The following TASP1 variants were observed in gnomAD, a reference collection of about 807,000 sequenced individuals.
The protein encoded by TASP1 is taspase 1.
TASP1 carries 16 observed loss-of-function variants against 56.6 expected under a neutral mutation model. That is an observed-to-expected ratio of 0.28 (90% CI 0.19 to 0.43). The LOEUF (loss-of-function observed/expected upper bound fraction) is 0.43, where lower values mean the gene tolerates loss of function less well. TASP1 is among the 20% of genes least tolerant of loss of function. The pLI is 1.00. For synonymous variants in TASP1, 179 were observed against 184.2 expected, an observed-to-expected ratio of 0.97 and a Z score of 0.23; for missense variants, 393 against 511.6, an observed-to-expected ratio of 0.77 and a Z score of 2.24.
the TASP1 span, among the ~76,000 whole-genome samples, chr20:13,381,034 A>C: frequency 6.6e-6 from 1 of 152,100 alleles, no homozygotes; most frequent in African/African-American, 2.4e-5. Flanking sequence ...GGATCTGCCG[A>C]GCTAGACCAC....
the TASP1 span, among the ~76,000 whole-genome samples, chr20:13,123,845 G>C: frequency 4.6e-5 from 7 of 151,688 alleles, no homozygotes; most frequent in Admixed American, 1.3e-4. Context: ...CCAATTCCCA[G>C]GACCCACCCA....
the TASP1 span, among the ~76,000 whole-genome samples, chr20:13,346,572 T>G: frequency 6.6e-6 from 1 of 152,190 alleles, no homozygotes; most frequent in South Asian, 2.1e-4. Context: ...AGCACTGCCC[T>G]ATAGGGTGTG....
At chr20:13,113,047 G>T in the TASP1 span, among the ~76,000 whole-genome samples, 3 of 152,228 alleles carry the variant, frequency 2.0e-5, no homozygotes, top group Non-Finnish European at 4.4e-5. Context: ...GCCAGGTGTG[G>T]TGGTGCACTC....
intron 8 of TASP1, among the ~76,000 whole-genome samples, chr20:13,548,947 G>T (rs1395565794): frequency 6.6e-6 from 1 of 152,090 alleles, no homozygotes. Context: ...GATCAGCCAG[G>T]TTTAGGATCC....
In TASP1 at chr20:13,580,963, G is replaced by C. The variant is rs746349879; in HGVS notation, c.422C>G (p.Ser141Trp). 2 of 1,607,834 alleles carry C rather than the reference G, an allele frequency of 1.2e-6. No individual in the cohort carries two copies. Among genetic ancestry groups the C allele is most frequent in the Non-Finnish European group, 1.7e-6 (2 of 1,177,636 alleles). Residue 141 changes from serine to tryptophan, a missense_variant, in exon 6 of 14, where the codon TCG (serine) becomes TGG (tryptophan). This residue lies in a region of TASP1 where 293 missense variants were observed against 354.2 expected (regional missense o/e 0.83). Coordinates refer to ENST00000337743, the MANE Select transcript of TASP1 (RefSeq NM_017714.3). ...TTCACATAAGAGTCTGTTGGCAACC[G>C]AGACTGGGTTCTTGATTCCTATAAA... ...GALSGIKNPV[S>W]VANRLLCEGQ...
intron 11 of TASP1, among the ~76,000 whole-genome samples, chr20:13,459,919 T>G (rs2043990029): frequency 6.6e-6 from 1 of 152,142 alleles, no homozygotes; most frequent in African/African-American, 2.4e-5. Flanking sequence ...TGTCCTGTAT[T>G]ATTTGCTCTA....
At chr20:13,381,084 C>T in the TASP1 span, among the ~76,000 whole-genome samples, 72 of 152,212 alleles carry the variant, frequency 4.7e-4, no homozygotes, top group Non-Finnish European at 5.3e-4. Flanking sequence ...GGGGAGTGAA[C>T]GGTTCTGTCT....
the TASP1 span, among the ~76,000 whole-genome samples, chr20:13,109,456 C>T: frequency 6.6e-6 from 1 of 152,154 alleles, no homozygotes; most frequent in East Asian, 1.9e-4. Flanking sequence ...AATGGAAATG[C>T]TACTAGTACT....
At chr20:13,589,828 T>C (rs1291134509) in intron 4 of TASP1, among the ~76,000 whole-genome samples, 1 of 152,158 alleles carries the variant, frequency 6.6e-6, no homozygotes, top group African/African-American at 2.4e-5. Flanking sequence ...ATAAGATATA[T>C]AAATCAACAG....
At chr20:13,504,090 A>ATAC (rs368385589) in intron 10 of TASP1, among the ~76,000 whole-genome samples, 40 of 152,168 alleles carry the variant, frequency 2.6e-4, no homozygotes, top group African/African-American at 8.9e-4. Context: ...AGGCATCCAA[A>ATAC]TACAAGAAGC....
At chr20:13,421,108 C>CTTTTT (rs34805037) in intron 12 of TASP1, among the ~76,000 whole-genome samples, 4 of 123,442 alleles carry the variant, frequency 3.2e-5, no homozygotes, top group Non-Finnish European at 5.0e-5. Context: ...CGTTTTCCTT[C>CTTTTT]TTTTTTTTTT....
chr20:13,386,071 G>A (rs2041160953), downstream of TASP1, among the ~76,000 whole-genome samples: 1 of 152,212 alleles, frequency 6.6e-6, no homozygotes, highest in Non-Finnish European at 1.5e-5. Context: ...TGCACCTGCA[G>A]CCTGAAAATA....
chr20:13,378,612 C>G, the TASP1 span, among the ~76,000 whole-genome samples: 1 of 152,052 alleles, frequency 6.6e-6, no homozygotes, highest in Non-Finnish European at 1.5e-5. Flanking sequence ...GAGCTGAGTT[C>G]GAGTCCTGAA....
At chr20:13,233,786 G>C in the TASP1 span, among the ~76,000 whole-genome samples, 7 of 152,066 alleles carry the variant, frequency 4.6e-5, no homozygotes, top group Admixed American at 1.3e-4. Flanking sequence ...CCCATCCATT[G>C]CCCAAATGTT....
At chr20:13,368,916 G>A in the TASP1 span, among the ~76,000 whole-genome samples, 1 of 152,074 alleles carries the variant, frequency 6.6e-6, no homozygotes, top group Non-Finnish European at 1.5e-5. Flanking sequence ...TGGGTCTATG[G>A]ATGTAGCCTC....
intron 4 of TASP1, among the ~76,000 whole-genome samples, chr20:13,605,327 T>A (rs1006419721): frequency 6.6e-6 from 1 of 152,190 alleles, no homozygotes; most frequent in Non-Finnish European, 1.5e-5. Context: ...TTTTGTTGCA[T>A]GTAAATTATA....
the TASP1 span, among the ~76,000 whole-genome samples, chr20:13,176,318 T>G: frequency 1.3e-4 from 20 of 152,222 alleles, no homozygotes; most frequent in Non-Finnish European, 2.1e-4. Flanking sequence ...ATCTTTGCCT[T>G]CTTCCAGTTC....
At chr20:13,430,655 T>C (rs1342525457) in intron 12 of TASP1, among the ~76,000 whole-genome samples, 5 of 152,210 alleles carry the variant, frequency 3.3e-5, no homozygotes, top group Non-Finnish European at 5.9e-5. Context: ...AATTTATTGG[T>C]TGGAAGCGAG....
At chr20:13,472,928 G>A (rs1303225056) in intron 11 of TASP1, among the ~76,000 whole-genome samples, 1 of 152,028 alleles carries the variant, frequency 6.6e-6, no homozygotes, top group Non-Finnish European at 1.5e-5. Flanking sequence ...ACAGTGTGGC[G>A]ATTCCTCAAG....
Sources: gnomAD v4.1 joint callset for allele counts (sites outside exome capture counted in the v4.1 genomes callset) on GRCh38, gnomAD v4.1.1 for gene constraint, gnomAD v4.1.1 regional missense constraint, MANE v1.5 for transcripts, NCBI Gene and HGNC (gene_info 2026-07-23, HGNC 2026-07-21) for gene names.